The following PCDHA3 variants were observed in gnomAD, a reference collection of about 807,000 sequenced individuals.
The protein encoded by PCDHA3 is protocadherin alpha-3.
A neutral mutation model predicts 62.2 loss-of-function variants in PCDHA3; 41 were observed. The ratio of observed to expected loss-of-function variants is 0.66; its 90% CI spans 0.51 to 0.86. The LOEUF is 0.86. Among genes scored for constraint, PCDHA3 ranks in the 40% least tolerant of loss-of-function variants. The pLI is 0.00. For missense variants in PCDHA3, 1,304 were observed against 1,241.2 expected (o/e 1.05, Z -0.76); for synonymous variants, 640 against 555.4 (o/e 1.15, Z -2.14).
chr5:140,876,728 C>T (rs200398819), intron 1 of PCDHA3: 11 of 1,614,128 alleles, frequency 6.8e-6, no homozygotes, highest in African/African-American at 1.3e-5. Context: ...GAGAGCGTGT[C>T]GGCCTATGAG....
At chr5:140,965,015 C>A (rs187456244) in intron 1 of PCDHA3, among the ~76,000 whole-genome samples, 116 of 152,260 alleles carry the variant, frequency 7.6e-4, no homozygotes, top group Non-Finnish European at 1.2e-3. Context: ...AGGATCACAA[C>A]CTTGGCTCCT....
At chr5:140,872,294 T>C in intron 1 of PCDHA3, among the ~76,000 whole-genome samples, 1 of 152,190 alleles carries the variant, frequency 6.6e-6, no homozygotes, top group East Asian at 1.9e-4. Flanking sequence ...AAGCCTTGCA[T>C]TCTTATATGC....
chr5:140,884,504 G>A (rs782001863), intron 1 of PCDHA3: 5 of 1,614,180 alleles, frequency 3.1e-6, no homozygotes, highest in Admixed American at 3.3e-5. Flanking sequence ...CAGCGCGGCA[G>A]GGAGTTGGTC....
At chr5:140,836,665 G>A in intron 1 of PCDHA3, 2 of 1,613,382 alleles carry the variant, frequency 1.2e-6, no homozygotes, top group South Asian at 2.2e-5. Context: ...GTGTGCTCTG[G>A]GGAGGGCCCA....
intron 1 of PCDHA3, among the ~76,000 whole-genome samples, chr5:140,844,558 A>G (rs1779439411): frequency 6.7e-6 from 1 of 149,510 alleles, no homozygotes; most frequent in South Asian, 2.1e-4. Flanking sequence ...GAGTTGGAAT[A>G]TTTTCAATAA....
At position 140,801,234 on chromosome 5, in the gene PCDHA3, T is replaced by C; in HGVS notation, c.37T>C (p.Cys13Arg). Residue 13 changes from cysteine (C) to arginine (R), a missense_variant, in exon 1 of 4, where the codon TGC becomes CGC. By Grantham distance (180) the Cys-to-Arg change is radical. Coordinates refer to ENST00000522353, the MANE Select transcript of PCDHA3 (RefSeq NM_018906.3). ...FSWREDPGAQ[C>R]LLLSLLLLAA... ...CTGGCGAGAAGATCCTGGAGCCCAGTGCCTGCTGCTTTCTCTTCTGCTCCT... is the reference window on the plus strand; with the variant it reads ...CTGGCGAGAAGATCCTGGAGCCCAGCGCCTGCTGCTTTCTCTTCTGCTCCT... 1 of 1,612,804 alleles carries C rather than the reference T, an allele frequency of 6.2e-7. No homozygotes were observed. Among genetic ancestry groups the C allele is most frequent in the Non-Finnish European group, 8.5e-7 (1 of 1,179,098 alleles).
chr5:140,869,613 C>T (rs369176341), intron 1 of PCDHA3: 402 of 1,613,826 alleles, frequency 2.5e-4, no homozygotes, highest in Non-Finnish European at 3.3e-4. Context: ...TATTGACCTA[C>T]AGGCTAAGTA....
At chr5:140,854,961 T>C (rs557755220) in intron 1 of PCDHA3, among the ~76,000 whole-genome samples, 1 of 150,064 alleles carries the variant, frequency 6.7e-6, no homozygotes, top group South Asian at 2.1e-4. Flanking sequence ...TTAATTACTT[T>C]ATTCAGAATT....
rs142640080 is a variant in PCDHA3 at position 140,917,521 on chromosome 5, C to T, written c.2395-61428C>T. Among the ~76,000 whole-genome samples the T allele has an allele frequency of 5.8e-4, 88 of 152,256 alleles. 1 individual carries two copies. In the East Asian group the frequency reaches 0.015, roughly 26 times the overall value. On this transcript the variant is annotated intron_variant, in intron 1 of 3. Transcript: ENST00000522353. ...ATGATATTTTCTAGGTTTTATTCTA[C>T]GGTTTGTATAGTTTTAGGTTTTACA...
chr5:140,803,934 C>T, intron 1 of PCDHA3: 1 of 407,172 alleles, frequency 2.5e-6, no homozygotes, highest in Non-Finnish European at 4.4e-6. Flanking sequence ...ATACTTATCC[C>T]TATACAATGC....
intron 1 of PCDHA3, chr5:140,864,855 T>G (rs1173322611): frequency 1.3e-5 from 2 of 152,178 alleles, no homozygotes; most frequent in African/African-American, 4.8e-5. Flanking sequence ...CCATACATGA[T>G]GAAGGGTGAT....
chr5:140,873,548 T>C lies in PCDHA3; in HGVS notation c.2394+69957T>C, dbSNP rs1434309989. ...GCATTCTATGGTATAAAATTATAAT[T>C]TCAATTTATTTTCTAGTTTGGTTGT... On this transcript the variant is annotated intron_variant, in intron 1 of 3. Coordinates refer to ENST00000522353, the MANE Select transcript of PCDHA3 (RefSeq NM_018906.3). Among the ~76,000 whole-genome samples, 5 of 151,990 alleles carry C rather than the reference T, an allele frequency of 3.3e-5. No individual in the cohort carries two copies. In the East Asian group the frequency reaches 7.7e-4, roughly 23 times the overall value.
rs191954731 is a variant in PCDHA3 at position 140,913,936 on chromosome 5, A to G, written c.2395-65013A>G. Among the ~76,000 whole-genome samples the G allele has an allele frequency of 7.5e-3, 1,149 of 152,268 alleles. 4 individuals are homozygous for G. Among genetic ancestry groups the G allele is most frequent in the Admixed American group, 0.013 (194 of 15,286 alleles). ...AATTTTACTTCATTGTGGTCAGAGA[A>G]GAATCTTGATATGATATCATTTTTA... On this transcript the variant is annotated intron_variant, in intron 1 of 3. Transcript: ENST00000522353.
At chr5:141,006,181 G>A (rs960173277) in intron 3 of PCDHA3, among the ~76,000 whole-genome samples, 1 of 150,918 alleles carries the variant, frequency 6.6e-6, no homozygotes, top group Non-Finnish European at 1.5e-5. Flanking sequence ...TTTTAAAAGA[G>A]TTTGCTATAT....
At chr5:140,885,832 T>C (rs888778134) in intron 1 of PCDHA3, among the ~76,000 whole-genome samples, 1 of 152,244 alleles carries the variant, frequency 6.6e-6, no homozygotes, top group South Asian at 2.1e-4. Flanking sequence ...TTCTTTGATT[T>C]ATCCATTAAG....
At chr5:140,914,451 C>A (rs879984519) in intron 1 of PCDHA3, among the ~76,000 whole-genome samples, 1 of 152,094 alleles carries the variant, frequency 6.6e-6, no homozygotes, top group Non-Finnish European at 1.5e-5. Context: ...TCTTTATTTT[C>A]CAGTCTATGT....
At chr5:140,836,290 C>A (rs2150256990) in intron 1 of PCDHA3, 1 of 1,613,742 alleles carries the variant, frequency 6.2e-7, no homozygotes, top group Non-Finnish European at 8.5e-7. Context: ...ACGACACGAG[C>A]CCTAGATGAG....
chr5:140,951,833 A>G (rs2094641584), intron 1 of PCDHA3, among the ~76,000 whole-genome samples: 1 of 152,190 alleles, frequency 6.6e-6, no homozygotes, highest in Admixed American at 6.5e-5. Flanking sequence ...TCATTCCAGC[A>G]TTAAGCCAAA....
At chr5:140,992,020 TGTGTG>T (rs1460938904) in intron 3 of PCDHA3, among the ~76,000 whole-genome samples, 1 of 51,270 alleles carries the variant, frequency 2.0e-5, no homozygotes, top group African/African-American at 5.9e-5. Flanking sequence ...GGTGGCTCTG[TGTGTG>T]TGTGTGTGTG....
Sources: allele counts gnomAD v4.1 joint callset (sites outside exome capture counted in the v4.1 genomes callset), GRCh38; gene constraint gnomAD v4.1.1; transcripts MANE v1.5; gene names NCBI Gene and HGNC (gene_info 2026-07-23, HGNC 2026-07-21).